Variants in ST8SIA6 observed in about 807,000 individuals in gnomAD.
The protein encoded by ST8SIA6 is alpha-2,8-sialyltransferase 8F.
A neutral mutation model predicts 33.6 loss-of-function variants in ST8SIA6; 39 were observed. That is an observed-to-expected ratio of 1.16 (90% confidence interval 0.90 to 1.52). ST8SIA6 has a LOEUF of 1.52. ST8SIA6 is among the 40% of genes most tolerant of loss of function. The pLI, the probability that ST8SIA6 is intolerant of heterozygous loss-of-function variation, is 0.00. For synonymous variants in ST8SIA6, 172 were observed against 167.2 expected (o/e 1.03, Z -0.22); for missense variants, 441 against 443.8 (o/e 0.99, Z 0.06).
intron 3 of ST8SIA6, among the ~76,000 whole-genome samples, chr10:17,381,783 C>T (rs1838428): frequency 0.038 from 5,805 of 152,192 alleles, 135 homozygotes; most frequent in African/African-American, 0.062. Flanking sequence ...CATTGATATG[C>T]GTTTAATGAA....
At chr10:17,352,038 G>T (rs886259854) in intron 4 of ST8SIA6, among the ~76,000 whole-genome samples, 4 of 147,440 alleles carry the variant, frequency 2.7e-5, no homozygotes, top group Admixed American at 2.7e-4. Context: ...GATTTTAAAT[G>T]TTCTCACTAA....
chr10:17,315,633 CAGTA>C lies in ST8SIA6; in HGVS notation c.*5241_*5244del, dbSNP rs1314491449. ...GTGCAAGACAAGAAATGAGTACAGA[CAGTA>C]AGATTCCATTTATATAAAATTCTAA... is the stretch of plus-strand genomic sequence containing the variant. On this transcript the variant is annotated 3_prime_UTR_variant, in exon 8 of 8. Transcript: ENST00000377602. Among the ~76,000 whole-genome samples, 14 of 151,908 alleles carry C rather than the reference CAGTA, an allele frequency of 9.2e-5. No homozygotes were observed. The Middle Eastern group carries it at 0.014, about 148-fold the overall frequency.
intron 2 of ST8SIA6, among the ~76,000 whole-genome samples, chr10:17,397,189 T>C (rs1216615579): frequency 1.3e-5 from 2 of 151,396 alleles, no homozygotes; most frequent in African/African-American, 4.8e-5. Context: ...AGCTCCATCC[T>C]CATTTTCTCC....
intron 4 of ST8SIA6, 71 bp downstream of exon 4, chr10:17,359,443 T>C: frequency 8.2e-7 from 1 of 1,219,548 alleles, no homozygotes; most frequent in East Asian, 2.5e-5. Context: ...TAATAACATA[T>C]TGCCTATTTT....
intron 3 of ST8SIA6, among the ~76,000 whole-genome samples, chr10:17,360,976 GAGA>G (rs1234551570): frequency 3.3e-5 from 5 of 150,726 alleles, no homozygotes; most frequent in Non-Finnish European, 5.9e-5. Context: ...GAAGAAGAAG[GAGA>G]AGAAGAGGGA....
At chr10:17,350,276 G>A (rs973091) in intron 4 of ST8SIA6, among the ~76,000 whole-genome samples, 25,787 of 152,140 alleles carry the variant, frequency 0.17, 2,493 homozygotes, top group East Asian at 0.49. Flanking sequence ...TGGCTGTGTC[G>A]TGGAGGACAA....
intron 3 of ST8SIA6, among the ~76,000 whole-genome samples, chr10:17,387,767 A>G (rs1429849581): frequency 6.6e-6 from 1 of 152,020 alleles, no homozygotes; most frequent in Non-Finnish European, 1.5e-5. Flanking sequence ...TTTCTGCTGA[A>G]CTCTAGGAGA....
intron 5 of ST8SIA6, among the ~76,000 whole-genome samples, chr10:17,329,106 C>T (rs547321785): frequency 1.3e-5 from 2 of 152,260 alleles, no homozygotes; most frequent in South Asian, 2.1e-4. Context: ...TGGGAGCTGC[C>T]CAACTAGCAA....
At chr10:17,397,170 T>A (rs1214741543) in intron 2 of ST8SIA6, among the ~76,000 whole-genome samples, 1 of 152,080 alleles carries the variant, frequency 6.6e-6, no homozygotes, top group Admixed American at 6.5e-5. Context: ...GCCAACCTTT[T>A]TCTCCTTCAG....
chr10:17,422,122 A>G (rs1297973345), intron 2 of ST8SIA6, among the ~76,000 whole-genome samples: 1 of 152,184 alleles, frequency 6.6e-6, no homozygotes, highest in Non-Finnish European at 1.5e-5. Flanking sequence ...TTCACTTTTA[A>G]TCAAGAGAAC....
intron 3 of ST8SIA6, among the ~76,000 whole-genome samples, chr10:17,364,184 C>G (rs977637567): frequency 2.0e-5 from 3 of 152,154 alleles, no homozygotes; most frequent in Non-Finnish European, 2.9e-5. Flanking sequence ...CCATGGACAA[C>G]TGGGAAAAAT....
chr10:17,355,369 A>G (rs1294395045), intron 4 of ST8SIA6, among the ~76,000 whole-genome samples: 4 of 152,174 alleles, frequency 2.6e-5, no homozygotes, highest in Admixed American at 6.5e-5. Flanking sequence ...TTCTCCTTCA[A>G]TGAGAGAACT....
intron 3 of ST8SIA6, among the ~76,000 whole-genome samples, chr10:17,373,482 C>G (rs969122859): frequency 6.6e-6 from 1 of 152,196 alleles, no homozygotes; most frequent in Non-Finnish European, 1.5e-5. Context: ...CTCTTCCTCT[C>G]TTTAAAGAGA....
At chr10:17,327,218 A>C in intron 5 of ST8SIA6, 92 bp from the exon 6 acceptor site, 1 of 899,478 alleles carries the variant, frequency 1.1e-6, no homozygotes, top group Non-Finnish European at 1.7e-6. Context: ...CTCTTTATAC[A>C]TGCTAAGGAG....
intron 3 of ST8SIA6, among the ~76,000 whole-genome samples, chr10:17,367,419 T>A (rs1361800974): frequency 1.3e-5 from 2 of 151,576 alleles, no homozygotes; most frequent in Non-Finnish European, 2.9e-5. Flanking sequence ...TTCAATTACC[T>A]CCCCCCAGGT....
At chr10:17,371,804 G>GAAAAAAAAAAAA (rs1849744540) in intron 3 of ST8SIA6, among the ~76,000 whole-genome samples, 1 of 121,264 alleles carries the variant, frequency 8.2e-6, no homozygotes, top group Non-Finnish European at 1.7e-5. Context: ...AAAAAAAAAA[G>GAAAAAAAAAAAA]AAAGAAAGTA....
chr10:17,389,691 G>A (rs1436799760), intron 3 of ST8SIA6, among the ~76,000 whole-genome samples: 1 of 152,140 alleles, frequency 6.6e-6, no homozygotes, highest in Non-Finnish European at 1.5e-5. Context: ...CGTTCACCTG[G>A]CTGAAATTGT....
intron 4 of ST8SIA6, among the ~76,000 whole-genome samples, chr10:17,343,892 A>G (rs1385882344): frequency 3.3e-5 from 5 of 152,232 alleles, no homozygotes; most frequent in African/African-American, 1.2e-4. Context: ...AAATACATGC[A>G]TGGCTTGTAC....
intron 2 of ST8SIA6, among the ~76,000 whole-genome samples, chr10:17,443,490 A>G (rs2131740392): frequency 6.6e-6 from 1 of 152,344 alleles, no homozygotes; most frequent in South Asian, 2.1e-4. Context: ...TACAATAACA[A>G]CAATAACTAG....
Sources: gnomAD v4.1 joint callset for allele counts (sites outside exome capture counted in the v4.1 genomes callset) on GRCh38, gnomAD v4.1.1 for gene constraint, MANE v1.5 for transcripts, NCBI Gene and HGNC (gene_info 2026-07-23, HGNC 2026-07-21) for gene names.